Variants in SFXN5 observed in about 807,000 individuals in gnomAD.
SFXN5 encodes sideroflexin 5, also known as sideroflexin-5.
A neutral mutation model predicts 50.2 loss-of-function variants in SFXN5; 43 were observed. That is an observed-to-expected ratio of 0.86 (90% CI 0.67 to 1.11). SFXN5 has a LOEUF of 1.11. Among genes scored for constraint, SFXN5 ranks in the 50% least tolerant of loss-of-function variants. SFXN5 has a pLI of 0.00. For synonymous variants in SFXN5, 203 were observed against 185.8 expected (o/e 1.09, Z -0.75); for missense variants, 463 against 454.1 (o/e 1.02, Z -0.18).
At chr2:72,982,853 G>T (rs1026478344) in intron 10 of SFXN5, among the ~76,000 whole-genome samples, 1 of 152,232 alleles carries the variant, frequency 6.6e-6, no homozygotes, top group Non-Finnish European at 1.5e-5. Flanking sequence ...GGACGGCAGC[G>T]TTCTCCAGGG....
intron 10 of SFXN5, among the ~76,000 whole-genome samples, chr2:72,978,579 G>A (rs974335682): frequency 1.3e-5 from 2 of 151,980 alleles, no homozygotes; most frequent in Non-Finnish European, 2.9e-5. Context: ...CACCACGCCC[G>A]GCCCAGATGA....
chr2:73,040,782 G>C, intron 3 of SFXN5, 72 bp downstream of exon 3: 1 of 1,283,368 alleles, frequency 7.8e-7, no homozygotes, highest in Non-Finnish European at 1.1e-6. Flanking sequence ...TCTGGCTGCA[G>C]CGAAGGGTTT....
At chr2:73,046,833 T>C (rs1288158977) in intron 2 of SFXN5, among the ~76,000 whole-genome samples, 1 of 152,150 alleles carries the variant, frequency 6.6e-6, no homozygotes, top group African/African-American at 2.4e-5. Context: ...TATCCAGTGC[T>C]GTCTAAAATA....
intron 13 of SFXN5, chr2:72,957,115 C>G (rs772350137): frequency 2.2e-6 from 1 of 455,822 alleles, no homozygotes; most frequent in Admixed American, 2.4e-5. Context: ...TATAGTGGAC[C>G]ACATCCCCTT....
At chr2:73,059,583 A>C (rs1682579755) in intron 1 of SFXN5, 1 of 985,102 alleles carries the variant, frequency 1.0e-6, no homozygotes, top group Non-Finnish European at 1.2e-6. Flanking sequence ...GTCCCCCCAC[A>C]CACCAGTTCT....
rs1038210631 is a variant in SFXN5 at position 72,953,255 on chromosome 2, G to A, written c.945+7876C>T. 1.3e-5 allele frequency among the ~76,000 whole-genome samples: 2 copies of A among 152,126 alleles called. No homozygotes were observed. Among genetic ancestry groups the A allele is most frequent in the African/African-American group, 2.4e-5 (1 of 41,394 alleles). ...CAAACTCCAAGAAAGCAGCGGGCGGGGAGGCAGCAGATTTCTGACGGCAAA... is the reference window on the plus strand; with the variant it reads ...CAAACTCCAAGAAAGCAGCGGGCGGAGAGGCAGCAGATTTCTGACGGCAAA... On this transcript the variant is annotated intron_variant, in intron 13 of 13. Coordinates refer to ENST00000272433, the MANE Select transcript of SFXN5 (RefSeq NM_144579.3). This position sits in a 1 kb window ranked among gnomAD's most constrained non-coding sequence, Gnocchi z 4.1.
intron 10 of SFXN5, among the ~76,000 whole-genome samples, chr2:72,976,499 A>C (rs1670630465): frequency 6.6e-6 from 1 of 152,238 alleles, no homozygotes; most frequent in African/African-American, 2.4e-5. Context: ...TCAGAAATGC[A>C]AACAAAAATT....
At chr2:73,013,406 C>CGTGTGTGT (rs61590375) in intron 6 of SFXN5, among the ~76,000 whole-genome samples, 3,780 of 139,722 alleles carry the variant, frequency 0.027, 68 homozygotes, top group African/African-American at 0.058. Context: ...AGGGATATTT[C>CGTGTGTGT]GTGTGTGTGT....
At chr2:72,990,499 G>A (rs564823931) in intron 9 of SFXN5, among the ~76,000 whole-genome samples, 18 of 152,274 alleles carry the variant, frequency 1.2e-4, no homozygotes, top group African/African-American at 4.1e-4. Context: ...ACACGCAGAC[G>A]GGCAGTAGCA....
At chr2:73,006,374 C>A (rs1674639170) in intron 6 of SFXN5, among the ~76,000 whole-genome samples, 1 of 152,202 alleles carries the variant, frequency 6.6e-6, no homozygotes, top group African/African-American at 2.4e-5. Context: ...GCAATCCCAG[C>A]ACTTTGGGAA....
intron 2 of SFXN5, among the ~76,000 whole-genome samples, chr2:73,045,344 A>G (rs1397624872): frequency 6.6e-6 from 1 of 152,136 alleles, no homozygotes; most frequent in Non-Finnish European, 1.5e-5. Flanking sequence ...GCCCCCCCAG[A>G]ACTGATGGCC....
chr2:72,946,915 G>A (rs1672006640), intron 13 of SFXN5, among the ~76,000 whole-genome samples: 1 of 152,164 alleles, frequency 6.6e-6, no homozygotes, highest in Admixed American at 6.5e-5. Flanking sequence ...TGGAGACACA[G>A]GGCACATGGA....
chr2:72,968,878 C>T (rs771095404), intron 11 of SFXN5, among the ~76,000 whole-genome samples: 9 of 151,910 alleles, frequency 5.9e-5, no homozygotes, highest in African/African-American at 1.2e-4. Flanking sequence ...TCTCAGCTCA[C>T]TTCAACCTCT....
chr2:72,990,409 C>T (rs1427506982), intron 9 of SFXN5, among the ~76,000 whole-genome samples: 2 of 152,108 alleles, frequency 1.3e-5, no homozygotes, highest in African/African-American at 4.8e-5. Flanking sequence ...TTCATCAAGT[C>T]CAGGAGCGAG....
chr2:72,966,566 C>G (rs1320280018), intron 12 of SFXN5, among the ~76,000 whole-genome samples: 1 of 152,182 alleles, frequency 6.6e-6, no homozygotes, highest in East Asian at 1.9e-4. Context: ...CTCAGGTACC[C>G]CCAGAGCCTC....
chr2:72,982,779 A>G (rs532062166), intron 10 of SFXN5, among the ~76,000 whole-genome samples: 1 of 152,280 alleles, frequency 6.6e-6, no homozygotes, highest in East Asian at 1.9e-4. Context: ...TAGTGGGAAG[A>G]GCAGGTATCC....
At chr2:73,032,089 A>G (rs545215451) in intron 3 of SFXN5, among the ~76,000 whole-genome samples, 2 of 152,204 alleles carry the variant, frequency 1.3e-5, no homozygotes, top group Non-Finnish European at 2.9e-5. Flanking sequence ...GTAATGTACC[A>G]CCCACAAGCC....
At chr2:72,977,142 C>A (rs943121272) in intron 10 of SFXN5, among the ~76,000 whole-genome samples, 2 of 152,176 alleles carry the variant, frequency 1.3e-5, no homozygotes, top group African/African-American at 4.8e-5. Context: ...GACACTGGGT[C>A]CAGACGTGAT....
At chr2:72,948,863 C>T (rs1458230920) in intron 13 of SFXN5, among the ~76,000 whole-genome samples, 2 of 152,194 alleles carry the variant, frequency 1.3e-5, no homozygotes, top group Non-Finnish European at 2.9e-5. Context: ...TTGATGGTCA[C>T]CAACTCCAGA....
Sources: gnomAD v4.1 joint callset for allele counts (sites outside exome capture counted in the v4.1 genomes callset) on GRCh38, gnomAD v4.1.1 for gene constraint, Gnocchi (gnomAD v3.1) non-coding constraint, MANE v1.5 for transcripts, NCBI Gene and HGNC (gene_info 2026-07-23, HGNC 2026-07-21) for gene names.